The following PCDHGB7 variants were observed in gnomAD, a reference collection of about 807,000 sequenced individuals.
PCDHGB7 encodes the protein protocadherin gamma-B7.
Under a neutral mutation model 61.4 loss-of-function variants are expected in PCDHGB7, and 37 were observed. The observed-to-expected ratio is 0.60, with a 90% CI of 0.46 to 0.79. PCDHGB7 has a LOEUF of 0.79. PCDHGB7 is among the 30% of genes least tolerant of loss of function. The pLI is 0.00. For missense variants in PCDHGB7, 1,166 were observed against 1,202.5 expected, an observed-to-expected ratio of 0.97 and a Z score of 0.45; for synonymous variants, 464 against 503.5, an observed-to-expected ratio of 0.92 and a Z score of 1.05.
In PCDHGB7 at chr5:141,490,113, C is replaced by G. The variant is rs2099696295; in HGVS notation, c.2416-4694C>G. Reference sequence around the variant, plus strand: ...ACCACACATCTGAGGCAGTGCGGAACCTCTTTGGCCTAGACCCTAGCAGTG... The same window carrying G: ...ACCACACATCTGAGGCAGTGCGGAAGCTCTTTGGCCTAGACCCTAGCAGTG... On this transcript the variant is annotated intron_variant, in intron 1 of 3. Transcript: ENST00000398594. This position sits in a 1 kb window ranked among gnomAD's most constrained non-coding sequence, Gnocchi z 5.4. 1 of 1,614,258 alleles carries G rather than the reference C, an allele frequency of 6.2e-7. No individual in the cohort carries two copies.
chr5:141,431,424 G>T lies in PCDHGB7; in HGVS notation c.2415+11150G>T, dbSNP rs747132868. 6.8e-6 allele frequency: 11 copies of T among 1,613,676 alleles called. No homozygotes were observed. The highest frequency in any genetic ancestry group is 5.9e-6 in the Non-Finnish European group (7 of 1,180,028). On this transcript the variant is annotated intron_variant, in intron 1 of 3. Coordinates refer to ENST00000398594, the MANE Select transcript of PCDHGB7 (RefSeq NM_018927.4). The surrounding 1 kb of genome is among the most constrained non-coding windows in gnomAD (Gnocchi z 4.8). ...GCCTCCGACGGGGGCGACCCGGTGC[G>T]CACAGGCACCGCGCGCATCCGCGTG...
chr5:141,447,428 G>C (rs542079336), intron 1 of PCDHGB7, among the ~76,000 whole-genome samples: 1 of 152,184 alleles, frequency 6.6e-6, no homozygotes, highest in African/African-American at 2.4e-5. Flanking sequence ...GTGAGCCACC[G>C]CACCCGGAGG....
chr5:141,436,193 A>G (rs2097801112), intron 1 of PCDHGB7, among the ~76,000 whole-genome samples: 1 of 152,156 alleles, frequency 6.6e-6, no homozygotes, highest in South Asian at 2.1e-4. Flanking sequence ...AAATAGAAAG[A>G]AAGACATAAT....
chr5:141,507,578 C>T (rs1268451710), intron 3 of PCDHGB7, among the ~76,000 whole-genome samples: 1 of 152,220 alleles, frequency 6.6e-6, no homozygotes, highest in East Asian at 1.9e-4. Context: ...GAGGAGATGC[C>T]AAGTTGGCCT....
rs948944459 is a variant in PCDHGB7 at position 141,476,485 on chromosome 5, G to T, written c.2416-18322G>T. 1 of 1,614,076 alleles carries T rather than the reference G, an allele frequency of 6.2e-7. No individual in the cohort carries two copies. The highest frequency in any genetic ancestry group is 8.5e-7 in the Non-Finnish European group (1 of 1,180,016). ...CGCTGGAGCTGTTCAGCGTGGAAGT[G>T]GTGATCCAGGACATCAACGACAACA... is the stretch of plus-strand genomic sequence containing the variant. On this transcript the variant is annotated intron_variant, in intron 1 of 3. Coordinates refer to ENST00000398594, the MANE Select transcript of PCDHGB7 (RefSeq NM_018927.4). The surrounding 1 kb of genome is among the most constrained non-coding windows in gnomAD (Gnocchi z 7.6).
rs1228153118 is a variant in PCDHGB7 at position 141,433,077 on chromosome 5, C to G, written c.2415+12803C>G. 5.0e-6 allele frequency: 8 copies of G among 1,614,080 alleles called. No homozygotes were observed. The African/African-American group carries it at 6.7e-5, about 13-fold the overall frequency. On this transcript the variant is annotated intron_variant, in intron 1 of 3. Transcript: ENST00000398594. Reference sequence around the variant, plus strand: ...AAGAGTCACCTGATCTTCCCCCAGCCCAACTATGCAGACATGCTCGTCAGC... The same window carrying G: ...AAGAGTCACCTGATCTTCCCCCAGCGCAACTATGCAGACATGCTCGTCAGC...
intron 1 of PCDHGB7, among the ~76,000 whole-genome samples, chr5:141,480,720 G>C (rs2099524423): frequency 6.6e-6 from 1 of 152,146 alleles, no homozygotes; most frequent in Non-Finnish European, 1.5e-5. Context: ...TGAAAGCACA[G>C]TCTCTGGGGG....
chr5:141,503,777 G>A (rs2099830497), intron 2 of PCDHGB7, among the ~76,000 whole-genome samples: 1 of 152,074 alleles, frequency 6.6e-6, no homozygotes, highest in South Asian at 2.1e-4. Context: ...TCTGTTCTTA[G>A]GCTGAGTTCA....
chr5:141,507,522 C>G (rs560304194), intron 3 of PCDHGB7, among the ~76,000 whole-genome samples: 365 of 152,096 alleles, frequency 2.4e-3, no homozygotes, highest in African/African-American at 8.1e-3. Context: ...GCTATGATTC[C>G]AGAGAGGCCA....
chr5:141,423,423 G>C (rs1561809630), intron 1 of PCDHGB7: 2 of 1,614,096 alleles, frequency 1.2e-6, no homozygotes, highest in Non-Finnish European at 8.5e-7. Flanking sequence ...CTGAAGGCGG[G>C]TTGGCAGGTA....
rs376101780 is a variant in PCDHGB7, at chr5:141,485,901, A to G, written c.2416-8906A>G. 3 of 1,614,026 alleles carry G rather than the reference A, an allele frequency of 1.9e-6. No homozygotes were observed. In the African/African-American group the frequency reaches 4.0e-5, roughly 22 times the overall value. Reference sequence around the variant, plus strand: ...GTAAACGACAACGCCCCAGCCTTCCAGCAATCCAGCTACAGGATTAGTGTG... The same window carrying G: ...GTAAACGACAACGCCCCAGCCTTCCGGCAATCCAGCTACAGGATTAGTGTG... On this transcript the variant is annotated intron_variant, in intron 1 of 3. Coordinates refer to ENST00000398594, the MANE Select transcript of PCDHGB7 (RefSeq NM_018927.4). This position sits in a 1 kb window ranked among gnomAD's most constrained non-coding sequence, Gnocchi z 5.7.
chr5:141,447,123 TTTTG>T (rs1327676720), intron 1 of PCDHGB7, among the ~76,000 whole-genome samples: 7 of 152,278 alleles, frequency 4.6e-5, no homozygotes, highest in African/African-American at 1.4e-4. Context: ...CCATGGATTT[TTTTG>T]TTTGTTTGTT....
intron 1 of PCDHGB7, among the ~76,000 whole-genome samples, chr5:141,470,360 T>G (rs1554150725): frequency 6.6e-6 from 1 of 152,142 alleles, no homozygotes; most frequent in Non-Finnish European, 1.5e-5. Context: ...ATAGACACAT[T>G]AGGTTGAATG....
intron 1 of PCDHGB7, chr5:141,426,513 C>G (rs780618436): frequency 2.3e-5 from 8 of 341,028 alleles, no homozygotes; most frequent in African/African-American, 4.3e-5. Flanking sequence ...AATACTTTAC[C>G]GTGAACACGG....
chr5:141,443,207 C>T (rs907169095), intron 1 of PCDHGB7, among the ~76,000 whole-genome samples: 5 of 152,064 alleles, frequency 3.3e-5, no homozygotes, highest in African/African-American at 1.2e-4. Context: ...AAGAGCTTGT[C>T]TCGCCAGGCG....
intron 1 of PCDHGB7, 84 bp from the exon 2 acceptor site, chr5:141,494,723 C>T: frequency 1.9e-6 from 3 of 1,606,114 alleles, no homozygotes; most frequent in Non-Finnish European, 2.6e-6. Flanking sequence ...TCCCCTCCTT[C>T]TCTCCCGGCC....
At chr5:141,441,638 G>A (rs1456506194) in intron 1 of PCDHGB7, 2 of 226,008 alleles carry the variant, frequency 8.8e-6, no homozygotes, top group Non-Finnish European at 1.8e-5. Flanking sequence ...AGCCACAGGC[G>A]CTGTGATTCT....
rs1195316502 is a variant in PCDHGB7 at position 141,431,006 on chromosome 5, A to G, written c.2415+10732A>G. 1.2e-6 allele frequency: 2 copies of G among 1,614,116 alleles called. No individual in the cohort carries two copies. Among genetic ancestry groups the G allele is most frequent in the South Asian group, 2.2e-5 (2 of 91,078 alleles). ...TTTCGCCCTGAATCCGCGCAGCGGC[A>G]GCTTGGTCACGGCGGGCAGGATAGA... On this transcript the variant is annotated intron_variant, in intron 1 of 3. Transcript: ENST00000398594. The surrounding 1 kb of genome is among the most constrained non-coding windows in gnomAD (Gnocchi z 4.8).
chr5:141,467,287 A>C (rs2099140956), intron 1 of PCDHGB7, among the ~76,000 whole-genome samples: 1 of 152,082 alleles, frequency 6.6e-6, no homozygotes, highest in Admixed American at 6.6e-5. Flanking sequence ...TCTTGACCTC[A>C]AGTGATCCAC....
Sources: allele counts gnomAD v4.1 joint callset (sites outside exome capture counted in the v4.1 genomes callset), GRCh38; gene constraint gnomAD v4.1.1; non-coding constraint Gnocchi (gnomAD v3.1); transcripts MANE v1.5; gene names NCBI Gene and HGNC (gene_info 2026-07-23, HGNC 2026-07-21).